UCK2: variants seen among roughly 807,000 people sequenced by gnomAD.
UCK2 encodes cytidine monophosphokinase 2.
Under a neutral mutation model 30.8 loss-of-function variants are expected in UCK2, and 6 were observed. The observed-to-expected ratio is 0.19, with a 90% CI of 0.11 to 0.38. The LOEUF is 0.38. Ranked by LOEUF, UCK2 falls within the 10% of genes least tolerant of loss-of-function variation. The probability of loss-of-function intolerance (pLI) is 1.00; values close to 1 mark genes in which losing one functional copy is unlikely to be tolerated. For missense variants in UCK2, 210 were observed against 339.8 expected (o/e 0.62, Z 3.00); for synonymous variants, 125 against 133.6 (o/e 0.94, Z 0.45).
chr1:165,891,144 G>A, intron 2 of UCK2, 82 bp from the exon 3 acceptor site: 1 of 1,266,796 alleles, frequency 7.9e-7, no homozygotes, highest in Non-Finnish European at 1.1e-6. Context: ...CCATATACAT[G>A]TTTATGAGGA....
Position 165,908,545 on chromosome 1 carries a change from A to G in UCK2, c.*722A>G, listed in dbSNP as rs1424343216. 6.7e-6 allele frequency: 1 copy of G among 149,036 alleles called. No individual in the cohort carries two copies. Among genetic ancestry groups the G allele is most frequent in the Middle Eastern group, 3.3e-3 (1 of 302 alleles). The allele number at this position is 149,036 out of a possible 1,614,324, so 9.2% of individuals were successfully genotyped here. A position where few individuals can be genotyped will look rare whatever the true frequency, so the allele number is the denominator to read the frequency against. On this transcript the variant is annotated 3_prime_UTR_variant, in exon 7 of 7. Transcript: ENST00000367879. Reference sequence around the variant, plus strand: ...TGCATTTTCTTCCTGCCCTGCTCCCACCTTCTCGCCTCTGGCTGCTTGGAT... The same window carrying G: ...TGCATTTTCTTCCTGCCCTGCTCCCGCCTTCTCGCCTCTGGCTGCTTGGAT...
In UCK2 at chr1:165,908,632, TCTTTC is replaced by T. The variant is rs1403977726; in HGVS notation, c.*813_*817del. The T allele has an allele frequency of 6.6e-6, 1 of 152,086 alleles. No homozygotes were observed. Among genetic ancestry groups the T allele is most frequent in the Non-Finnish European group, 1.5e-5 (1 of 68,020 alleles). The allele number at this position is 152,086 out of a possible 1,614,324, so 9.4% of individuals were successfully genotyped here. A position where few individuals can be genotyped will look rare whatever the true frequency, so the allele number is the denominator to read the frequency against. ...GTCTCTCCAAGAAGCCAGAGCTGCC[TCTTTC>T]CTTCCCTGGAAGAGATTTTATGGGA... is the stretch of plus-strand genomic sequence containing the variant. On this transcript the variant is annotated 3_prime_UTR_variant, in exon 7 of 7. Coordinates refer to ENST00000367879, the MANE Select transcript of UCK2 (RefSeq NM_012474.5).
rs61491030 is a variant in UCK2 at position 165,850,927 on chromosome 1, A to ATT, written c.99+23021_99+23022dup. Among the ~76,000 whole-genome samples the ATT allele has an allele frequency of 4.9e-4, 54 of 109,932 alleles. 1 individual carries two copies. The highest frequency in any genetic ancestry group is 1.3e-3 in the African/African-American group (37 of 29,440). The allele number at this position is 109,932 out of a possible 152,430, so 72.1% of individuals were successfully genotyped here. A position where few individuals can be genotyped will look rare whatever the true frequency, so the allele number is the denominator to read the frequency against. On this transcript the variant is annotated intron_variant, in intron 1 of 6. Coordinates refer to ENST00000367879, the MANE Select transcript of UCK2 (RefSeq NM_012474.5). ...GTGAGCCACCACGCCTGGCCTTTAA[A>ATT]TTTTTTTTTTTTTTTTTTTTTTTTT...
At chr1:165,876,680 T>TA (rs1469092904) in intron 1 of UCK2, among the ~76,000 whole-genome samples, 1 of 152,220 alleles carries the variant, frequency 6.6e-6, no homozygotes, top group Non-Finnish European at 1.5e-5. Context: ...AGTAACAAAT[T>TA]ACTACAATCT....
Position 165,911,422 on chromosome 1 carries a change from T to TA in UCK2, c.*3600dup, listed in dbSNP as rs1647853502. The stretch of plus-strand genomic sequence containing the variant: ...TTCCAGGTCAGCTTGGCTGTGGTCT[T>TA]AGAGGCAGGGAGTGCCTACCCAGTC... On this transcript the variant is annotated 3_prime_UTR_variant, in exon 7 of 7. Transcript: ENST00000367879. The TA allele has an allele frequency of 6.6e-6, 1 of 152,182 alleles. No homozygotes were observed. The highest frequency in any genetic ancestry group is 2.1e-4 in the South Asian group (1 of 4,834). 9.4% of individuals were successfully genotyped at this position (152,182 alleles called of 1,614,324 possible). A position where few individuals can be genotyped will look rare whatever the true frequency, so the allele number is the denominator to read the frequency against.
intron 1 of UCK2, among the ~76,000 whole-genome samples, chr1:165,858,751 GAGA>G (rs1654816975): frequency 6.6e-6 from 1 of 152,140 alleles, no homozygotes; most frequent in Admixed American, 6.5e-5. Context: ...CCCAATCTCT[GAGA>G]AGATGTTCAC....
intron 1 of UCK2, among the ~76,000 whole-genome samples, chr1:165,830,506 C>A (rs1308636999): frequency 6.7e-6 from 1 of 150,286 alleles, no homozygotes. Context: ...TTTGTATTTT[C>A]AGTAAACACG....
intron 1 of UCK2, among the ~76,000 whole-genome samples, chr1:165,851,790 T>G (rs1220887977): frequency 6.6e-6 from 1 of 152,194 alleles, no homozygotes; most frequent in Non-Finnish European, 1.5e-5. Context: ...TCCCTCTCTG[T>G]GTCCATGGGT....
In UCK2 at chr1:165,891,215, G is replaced by A. The variant is rs200313986; in HGVS notation, c.260-11G>A. On this transcript the variant is annotated splice_polypyrimidine_tract_variant and intron_variant, in intron 2 of 6. Transcript: ENST00000367879. ...AATTAAGAAACATTTTAACAATTTG[G>A]TATTTTTCAGATGCCTTTGACAATG... The A allele has an allele frequency of 1.9e-6, 3 of 1,612,120 alleles. No homozygotes were observed. The highest frequency in any genetic ancestry group is 1.3e-5 in the African/African-American group (1 of 74,972).
intron 1 of UCK2, among the ~76,000 whole-genome samples, chr1:165,856,365 C>T (rs1299342288): frequency 4.0e-5 from 6 of 151,272 alleles, no homozygotes; most frequent in African/African-American, 1.2e-4. Context: ...ACATTACGTG[C>T]CTGTTGTATC....
rs555265501 is a variant in UCK2 at position 165,905,183 on chromosome 1, C to T, written c.598-738C>T. 8.5e-5 allele frequency among the ~76,000 whole-genome samples: 13 copies of T among 152,262 alleles called. No individual in the cohort carries two copies. In the South Asian group the frequency reaches 2.7e-3, roughly 32 times the overall value. On this transcript the variant is annotated intron_variant, in intron 5 of 6. Coordinates refer to ENST00000367879, the MANE Select transcript of UCK2 (RefSeq NM_012474.5). ...GGTCATAAGCTGAAACAGTGTTCAG[C>T]GTTAGAAATGAGAACTTGGTTGGGT...
At position 165,879,667 on chromosome 1, in the gene UCK2, G is replaced by A. The variant is rs562993533; in HGVS notation, c.100-10537G>A. ...AGTAACGTGGTCTATGTGGCTTTGGGAGTTCTTTTCTCTTTTCTCTTTTTT... is the reference window on the plus strand; with the variant it reads ...AGTAACGTGGTCTATGTGGCTTTGGAAGTTCTTTTCTCTTTTCTCTTTTTT... On this transcript the variant is annotated intron_variant, in intron 1 of 6. Coordinates refer to ENST00000367879, the MANE Select transcript of UCK2 (RefSeq NM_012474.5). Among the ~76,000 whole-genome samples the A allele has an allele frequency of 3.3e-5, 5 of 151,834 alleles. No individual in the cohort carries two copies. The East Asian group carries it at 9.7e-4, about 29-fold the overall frequency.
At chr1:165,860,986 G>A (rs921429380) in intron 1 of UCK2, among the ~76,000 whole-genome samples, 11 of 152,028 alleles carry the variant, frequency 7.2e-5, no homozygotes, top group Non-Finnish European at 1.2e-4. Flanking sequence ...GCTTAGACTG[G>A]GTAATTTATA....
intron 1 of UCK2, among the ~76,000 whole-genome samples, chr1:165,848,660 C>A (rs76130538): frequency 0.51 from 75,232 of 147,482 alleles, 19,917 homozygotes; most frequent in African/African-American, 0.7. Context: ...ACACACACAC[C>A]CACACACACA....
In UCK2 at chr1:165,832,312, G is replaced by A. The variant is rs545745396; in HGVS notation, c.99+4380G>A. ...GCTTATTTGTTGACTGCTTCTTCCC[G>A]TAGAGTATGTGTTCTGTGAGAGAAT... On this transcript the variant is annotated intron_variant, in intron 1 of 6. Transcript: ENST00000367879. Among the ~76,000 whole-genome samples, 9 of 152,222 alleles carry A rather than the reference G, an allele frequency of 5.9e-5. No individual in the cohort carries two copies. In the South Asian group the frequency reaches 1.9e-3, roughly 32 times the overall value.
chr1:165,844,744 A>G (rs1654407302), intron 1 of UCK2, among the ~76,000 whole-genome samples: 1 of 152,156 alleles, frequency 6.6e-6, no homozygotes, highest in Non-Finnish European at 1.5e-5. Context: ...AATGATGCGT[A>G]TGTAACGAAG....
chr1:165,855,050 T>C (rs1198030977), intron 1 of UCK2, among the ~76,000 whole-genome samples: 1 of 152,220 alleles, frequency 6.6e-6, no homozygotes, highest in African/African-American at 2.4e-5. Context: ...GGGGGAAAAT[T>C]ACCATTGCTA....
At chr1:165,905,611 C>T (rs1647630368) in intron 5 of UCK2, among the ~76,000 whole-genome samples, 1 of 152,224 alleles carries the variant, frequency 6.6e-6, no homozygotes, top group Non-Finnish European at 1.5e-5. Context: ...ATTAACCACT[C>T]AGTCTGGACC....
At chr1:165,851,071 C>T (rs1193095452) in intron 1 of UCK2, among the ~76,000 whole-genome samples, 3 of 151,844 alleles carry the variant, frequency 2.0e-5, no homozygotes, top group Admixed American at 6.6e-5. Flanking sequence ...GCTTAATCAG[C>T]CTGTGAAGTC....
Sources: allele counts gnomAD v4.1 joint callset (sites outside exome capture counted in the v4.1 genomes callset), GRCh38; gene constraint gnomAD v4.1.1; transcripts MANE v1.5; gene names NCBI Gene and HGNC (gene_info 2026-07-23, HGNC 2026-07-21).